TMTC1: variants seen among roughly 807,000 people sequenced by gnomAD.
TMTC1 encodes transmembrane O-mannosyltransferase targeting cadherins 1.
In TMTC1, 73 loss-of-function variants were observed where a neutral mutation model predicts 104.8. That is an observed-to-expected ratio of 0.70 (90% CI 0.58 to 0.85). TMTC1 has a LOEUF of 0.85. Ranked by LOEUF, TMTC1 falls within the 40% of genes least tolerant of loss-of-function variation. The pLI is 0.00. For synonymous variants in TMTC1, 434 were observed against 428.7 expected, an observed-to-expected ratio of 1.01 and a Z score of -0.15; for missense variants, 1,035 against 1,096.1, an observed-to-expected ratio of 0.94 and a Z score of 0.79.
chr12:29,660,296 A>G (rs1220164452), intron 5 of TMTC1, among the ~76,000 whole-genome samples: 1 of 152,228 alleles, frequency 6.6e-6, no homozygotes, highest in Non-Finnish European at 1.5e-5. Flanking sequence ...ATGAGATATC[A>G]CGTAGAGGAG....
intron 1 of TMTC1, among the ~76,000 whole-genome samples, chr12:29,780,588 T>C (rs997765123): frequency 2.0e-5 from 3 of 152,056 alleles, no homozygotes; most frequent in African/African-American, 7.3e-5. Context: ...GTATCTTGAC[T>C]GTGGAGGTAC....
chr12:29,769,944 A>G (rs1025750343), intron 1 of TMTC1, among the ~76,000 whole-genome samples: 1 of 151,948 alleles, frequency 6.6e-6, no homozygotes, highest in African/African-American at 2.4e-5. Context: ...ATATACAAAT[A>G]CATACATATG....
At chr12:29,778,089 T>C (rs1276075487) in intron 1 of TMTC1, among the ~76,000 whole-genome samples, 2 of 152,214 alleles carry the variant, frequency 1.3e-5, no homozygotes, top group Non-Finnish European at 2.9e-5. Flanking sequence ...CATATTAAGA[T>C]AGTCTATTTT....
intron 6 of TMTC1, among the ~76,000 whole-genome samples, chr12:29,627,513 G>A (rs1288750842): frequency 5.4e-4 from 82 of 152,162 alleles, no homozygotes; most frequent in Admixed American, 5.4e-3. Flanking sequence ...TTGCTGGAGG[G>A]AATGCAACAT....
intron 5 of TMTC1, among the ~76,000 whole-genome samples, chr12:29,739,707 T>C (rs973351339): frequency 6.6e-6 from 1 of 152,022 alleles, no homozygotes; most frequent in African/African-American, 2.4e-5. Flanking sequence ...AAAAAGTCAA[T>C]CTTTTTTGTT....
At chr12:29,732,413 A>C (rs1942567660) in intron 5 of TMTC1, among the ~76,000 whole-genome samples, 1 of 152,234 alleles carries the variant, frequency 6.6e-6, no homozygotes, top group Non-Finnish European at 1.5e-5. Flanking sequence ...CCAGTAGGAA[A>C]GTATTGGGAG....
intron 5 of TMTC1, chr12:29,661,335 C>G (rs924279944): frequency 1.0e-6 from 1 of 979,314 alleles, no homozygotes; most frequent in East Asian, 1.1e-4. Flanking sequence ...AATTTGAAGG[C>G]TCCAATGTCT....
chr12:29,747,744 C>T (rs1241193040), intron 5 of TMTC1, among the ~76,000 whole-genome samples: 1 of 152,172 alleles, frequency 6.6e-6, no homozygotes, highest in East Asian at 1.9e-4. Flanking sequence ...CTGCTGGCTT[C>T]CATGTGCTGA....
At chr12:29,767,069 C>T (rs2120482624) in intron 2 of TMTC1, among the ~76,000 whole-genome samples, 1 of 152,060 alleles carries the variant, frequency 6.6e-6, no homozygotes, top group East Asian at 1.9e-4. Flanking sequence ...CCTGCCTCAG[C>T]CTCCCAAGTA....
intron 11 of TMTC1, among the ~76,000 whole-genome samples, chr12:29,523,413 T>A (rs954194789): frequency 2.8e-4 from 43 of 152,208 alleles, no homozygotes; most frequent in Non-Finnish European, 2.9e-5. Flanking sequence ...TGAACATAGT[T>A]TGAACAGCTG....
chr12:29,605,001 A>G (rs1946661158), intron 6 of TMTC1, among the ~76,000 whole-genome samples: 2 of 152,294 alleles, frequency 1.3e-5, no homozygotes, highest in Admixed American at 1.3e-4. Flanking sequence ...ATTAACAGAA[A>G]AAAACTTCTG....
intron 11 of TMTC1, among the ~76,000 whole-genome samples, chr12:29,530,499 CG>C (rs926116522): frequency 6.6e-6 from 1 of 152,176 alleles, no homozygotes; most frequent in African/African-American, 2.4e-5. Context: ...TGCATTTAAA[CG>C]TTGTGTCTCC....
intron 10 of TMTC1, among the ~76,000 whole-genome samples, chr12:29,552,261 A>C (rs1403651757): frequency 2.0e-5 from 3 of 152,180 alleles, no homozygotes; most frequent in Non-Finnish European, 4.4e-5. Flanking sequence ...ATTGCATTCC[A>C]AATATTTCAT....
chr12:29,547,089 T>C (rs1392989925), intron 10 of TMTC1, among the ~76,000 whole-genome samples: 1 of 152,212 alleles, frequency 6.6e-6, no homozygotes, highest in Non-Finnish European at 1.5e-5. Flanking sequence ...GGGAGACTAC[T>C]GAAACTCTTG....
chr12:29,536,120 A>G (rs1475420458), intron 11 of TMTC1, 89 bp downstream of exon 11: 2 of 908,258 alleles, frequency 2.2e-6, no homozygotes, highest in African/African-American at 3.3e-5. Flanking sequence ...ATGGGTTTAC[A>G]AATTAAATCA....
intron 5 of TMTC1, among the ~76,000 whole-genome samples, chr12:29,645,481 A>G (rs561279214): frequency 6.6e-6 from 1 of 152,268 alleles, no homozygotes; most frequent in South Asian, 2.1e-4. Flanking sequence ...TGTCTTTCTG[A>G]CCTTTTACAT....
At chr12:29,680,353 A>G (rs1372742973) in intron 5 of TMTC1, among the ~76,000 whole-genome samples, 1 of 152,236 alleles carries the variant, frequency 6.6e-6, no homozygotes, top group African/African-American at 2.4e-5. Context: ...ATTTCCAAAG[A>G]AAAAGAACCA....
chr12:29,694,137 C>A (rs1941344144), intron 5 of TMTC1, among the ~76,000 whole-genome samples: 1 of 150,638 alleles, frequency 6.6e-6, no homozygotes, highest in Admixed American at 6.6e-5. Flanking sequence ...TCTCTACATA[C>A]CGTCCTTAAC....
At chr12:29,582,217 C>T (rs1946001236) in intron 8 of TMTC1, among the ~76,000 whole-genome samples, 1 of 152,148 alleles carries the variant, frequency 6.6e-6, no homozygotes, top group African/African-American at 2.4e-5. Flanking sequence ...GAACCTTTGT[C>T]TTATTTGTTC....
Sources: gnomAD v4.1 joint callset for allele counts (sites outside exome capture counted in the v4.1 genomes callset) on GRCh38, gnomAD v4.1.1 for gene constraint, MANE v1.5 for transcripts, NCBI Gene and HGNC (gene_info 2026-07-23, HGNC 2026-07-21) for gene names.